The following SMTN variants were observed in gnomAD, a reference collection of about 807,000 sequenced individuals.
SMTN encodes smoothelin.
SMTN carries 58 observed loss-of-function variants against 102.0 expected under a neutral mutation model. The observed-to-expected ratio is 0.57, with a 90% CI of 0.46 to 0.71. The LOEUF is 0.71. SMTN is among the 30% of genes least tolerant of loss of function. SMTN has a pLI of 0.00. For synonymous variants in SMTN, 478 were observed against 497.9 expected (o/e 0.96, Z 0.53); for missense variants, 1,185 against 1,241.7 (o/e 0.95, Z 0.69).
rs189432971 is a variant in SMTN, at chr22:31,067,510, T to C, written c.-386+3323T>C. 993 of 150,876 alleles carry C rather than the reference T, an allele frequency of 6.6e-3. 9 individuals carry two copies. The highest frequency in any genetic ancestry group is 0.012 in the Non-Finnish European group (800 of 67,922). 9.3% of individuals were successfully genotyped at this position (150,876 alleles called of 1,614,324 possible). A position where few individuals can be genotyped will look rare whatever the true frequency, so the allele number is the denominator to read the frequency against. On this transcript the variant is annotated intron_variant, in intron 1 of 3. Transcript: ENST00000422839. ...CCTTAGGCCTCCCAAAGTGCTGGGA[T>C]TACAGGCATAAGCCACCACGCCCGG...
chr22:31,103,905 C>T (rs1473686058), intron 20 of SMTN: 2 of 194,934 alleles, frequency 1.0e-5, no homozygotes, highest in East Asian at 2.4e-4. Flanking sequence ...AAAGATTGGC[C>T]AGTGATGAAG....
rs377645962 is a variant in SMTN at position 31,097,715 on chromosome 22, G to GATAGATAA, written c.2159+380_2159+381insGATAAATA. 4.4e-3 allele frequency among the ~76,000 whole-genome samples: 639 copies of GATAGATAA among 145,886 alleles called. 5 individuals carry two copies. The highest frequency in any genetic ancestry group is 0.015 in the African/African-American group (592 of 38,722). On this transcript the variant is annotated intron_variant, in intron 16 of 20. Coordinates refer to ENST00000333137, the MANE Select transcript of SMTN (RefSeq NM_134269.3). ...CGAGACTCAGTCTCAAAAATAAATA[G>GATAGATAA]ATAAATAAATAAATAAATAAATAAA...
In SMTN at chr22:31,091,828, G is replaced by T; in HGVS notation, c.1613G>T (p.Arg538Leu). Residue 538 changes from arginine to leucine, a missense_variant, in exon 11 of 21, where the codon CGA becomes CTA. Arg to Leu is a moderately radical substitution (Grantham distance 102). Coordinates refer to ENST00000333137, the MANE Select transcript of SMTN (RefSeq NM_134269.3). ...TTCAGCCATGCCCCCCCCAGTAGCC[G>T]AGGAGGCTGCAGCATCAAGGTGAGC... ...TSFSHAPPSS[R>L]GGCSIKMEAE... is the part of the protein sequence containing the mutation. 6.3e-7 allele frequency: 1 copy of T among 1,595,108 alleles called. No homozygotes were observed. The highest frequency in any genetic ancestry group is 8.5e-7 in the Non-Finnish European group (1 of 1,169,734).
In SMTN at chr22:31,096,724, C is replaced by G; in HGVS notation, c.1862-9C>G. 1.3e-6 allele frequency: 2 copies of G among 1,538,462 alleles called. No homozygotes were observed. Among genetic ancestry groups the G allele is most frequent in the Non-Finnish European group, 8.7e-7 (1 of 1,148,264 alleles). On this transcript the variant is annotated splice_polypyrimidine_tract_variant and intron_variant, in intron 13 of 20. Transcript: ENST00000333137. ...CCTTTTGCGCATGCATGGGGCATCC[C>G]CTGCCCAGACCAGCGGGACAAGGAG...
At position 31,104,581 on chromosome 22, in the gene SMTN, C is replaced by A. The variant is rs573361959; in HGVS notation, c.*286C>A. ...CTGTCTGTTGCGACACCCTCCCCCCCACATACACACGCAGCGTTTTGATAA... is the reference window on the plus strand; with the variant it reads ...CTGTCTGTTGCGACACCCTCCCCCCAACATACACACGCAGCGTTTTGATAA... On this transcript the variant is annotated 3_prime_UTR_variant, in exon 21 of 21. Transcript: ENST00000333137. The A allele has an allele frequency of 1.6e-5, 16 of 991,604 alleles. No individual in the cohort carries two copies. The highest frequency in any genetic ancestry group is 7.4e-5 in the East Asian group (3 of 40,366). 61.4% of individuals were successfully genotyped at this position (991,604 alleles called of 1,614,324 possible). A position where few individuals can be genotyped will look rare whatever the true frequency, so the allele number is the denominator to read the frequency against.
intron 2 of SMTN, chr22:31,085,214 T>C: frequency 6.5e-7 from 1 of 1,535,044 alleles, no homozygotes; most frequent in South Asian, 1.2e-5. Flanking sequence ...TTTCTTCCCT[T>C]TAGATCCGGA....
intron 2 of SMTN, among the ~76,000 whole-genome samples, chr22:31,083,939 G>A (rs1490649167): frequency 6.6e-6 from 1 of 152,236 alleles, no homozygotes; most frequent in Non-Finnish European, 1.5e-5. Context: ...TATGGATTCT[G>A]TGGCTTCTCA....
intron 11 of SMTN, among the ~76,000 whole-genome samples, chr22:31,094,608 TAGAG>T (rs1316432441): frequency 6.6e-6 from 1 of 151,372 alleles, no homozygotes. Context: ...GCATCACACT[TAGAG>T]AGAGACTGTG....
chr22:31,076,547 A>G (rs1258584987), upstream of SMTN, among the ~76,000 whole-genome samples: 1 of 152,206 alleles, frequency 6.6e-6, no homozygotes, highest in Non-Finnish European at 1.5e-5. Flanking sequence ...GGCTGTGGTG[A>G]TGGTTACATG....
intron 8 of SMTN, 73 bp from the exon 9 acceptor site, chr22:31,090,735 A>G (rs1034915405): frequency 6.6e-6 from 8 of 1,205,224 alleles, no homozygotes; most frequent in Non-Finnish European, 8.6e-6. Context: ...GAGGATTATG[A>G]AAGGTGGACA....
At chr22:31,076,302 T>C (rs2042127959) in intron 1 of SMTN, among the ~76,000 whole-genome samples, 1 of 152,202 alleles carries the variant, frequency 6.6e-6, no homozygotes, top group South Asian at 2.1e-4. Flanking sequence ...AACTCTGAAT[T>C]GGACACTGCG....
chr22:31,098,699 G>T lies in SMTN; in HGVS notation c.2192G>T (p.Arg731Leu). Reference sequence around the variant, plus strand: ...GACCGCGAGGACCAGGCCAGCCCACGGGCCGGCAGCCTGGCGGCGCTCGAG... The same window carrying T: ...GACCGCGAGGACCAGGCCAGCCCACTGGCCGGCAGCCTGGCGGCGCTCGAG... ...IFDREDQASP[R>L]AGSLAALEKR... is the part of the protein sequence containing the mutation. Residue 731 changes from arginine to leucine, a missense_variant, in exon 17 of 21, where the codon CGG (arginine) becomes CTG (leucine). Coordinates refer to ENST00000333137, the MANE Select transcript of SMTN (RefSeq NM_134269.3). 2 of 1,613,526 alleles carry T rather than the reference G, an allele frequency of 1.2e-6. No individual in the cohort carries two copies. The highest frequency in any genetic ancestry group is 1.7e-4 in the Middle Eastern group (1 of 6,060).
rs751223727 is a variant in SMTN at position 31,091,010 on chromosome 22, T to G, written c.987T>G (p.Ser329=). The change falls in exon 10 of 21, where the codon TCT becomes TCG. Residue 329 remains serine (S), a synonymous_variant. Transcript: ENST00000333137. ...SGPSSFQRAG[S]VRDRVHKFTS... is the part of the protein sequence containing the mutation. ...CTTCCTCATTCCAGCGGGCTGGCTCTGTGCGGGATCGTGTCCACAAGTTCA... is the reference window on the plus strand; with the variant it reads ...CTTCCTCATTCCAGCGGGCTGGCTCGGTGCGGGATCGTGTCCACAAGTTCA... 6.2e-7 allele frequency: 1 copy of G among 1,613,980 alleles called. No homozygotes were observed. Among genetic ancestry groups the G allele is most frequent in the Non-Finnish European group, 8.5e-7 (1 of 1,179,950 alleles).
intron 1 of SMTN, among the ~76,000 whole-genome samples, chr22:31,075,153 C>A (rs2042098902): frequency 1.3e-5 from 2 of 152,322 alleles, no homozygotes; most frequent in Non-Finnish European, 2.9e-5. Context: ...AGGTTTGAGT[C>A]TCGACTCTGT....
intron 4 of SMTN, 41 bp from the exon 5 acceptor site, chr22:31,088,658 A>G (rs958172248): frequency 3.7e-6 from 6 of 1,611,592 alleles, no homozygotes; most frequent in Admixed American, 3.3e-5. Context: ...GAAGACCTGG[A>G]CTCCACAGCC....
At chr22:31,072,319 G>T (rs1376920679) in intron 1 of SMTN, among the ~76,000 whole-genome samples, 2 of 152,098 alleles carry the variant, frequency 1.3e-5, no homozygotes, top group African/African-American at 4.8e-5. Flanking sequence ...ACACAGTAAA[G>T]AATTGACAGA....
At position 31,097,257 on chromosome 22, in the gene SMTN, C is replaced by T; in HGVS notation, c.2090-12C>T. On this transcript the variant is annotated splice_polypyrimidine_tract_variant and intron_variant, in intron 15 of 20. Coordinates refer to ENST00000333137, the MANE Select transcript of SMTN (RefSeq NM_134269.3). ...CAGGCCCTCACCTGGTGCCCCTTCC[C>T]CTTTTTTGCAGATGGCAGTGGCAGC... 1 of 1,614,032 alleles carries T rather than the reference C, an allele frequency of 6.2e-7. No homozygotes were observed. The highest frequency in any genetic ancestry group is 8.5e-7 in the Non-Finnish European group (1 of 1,179,892).
chr22:31,085,063 T>A, intron 2 of SMTN: 3 of 1,531,712 alleles, frequency 2.0e-6, no homozygotes, highest in Non-Finnish European at 2.6e-6. Context: ...TCTTGAGGAT[T>A]GGGCCGGGGA....
chr22:31,079,645 A>G (rs1056975110), upstream of SMTN, among the ~76,000 whole-genome samples: 3 of 152,264 alleles, frequency 2.0e-5, no homozygotes, highest in Non-Finnish European at 4.4e-5. Flanking sequence ...CTGGATAATA[A>G]CATGGCATCT....
Sources: gnomAD v4.1 joint callset for allele counts (sites outside exome capture counted in the v4.1 genomes callset) on GRCh38, gnomAD v4.1.1 for gene constraint, MANE v1.5 for transcripts, NCBI Gene and HGNC (gene_info 2026-07-23, HGNC 2026-07-21) for gene names.